ATP13A5: variants seen among roughly 807,000 people sequenced by gnomAD.
ATP13A5 encodes the protein probable cation-transporting ATPase 13A5.
A neutral mutation model predicts 150.2 loss-of-function variants in ATP13A5; 149 were observed. The ratio of observed to expected loss-of-function variants is 0.99; its 90% CI spans 0.87 to 1.14. The LOEUF is 1.14. Among genes scored for constraint, ATP13A5 ranks in the 50% most tolerant of loss-of-function variants. The pLI, the probability that ATP13A5 is intolerant of heterozygous loss-of-function variation, is 0.00. For synonymous variants in ATP13A5, 497 were observed against 522.2 expected, an observed-to-expected ratio of 0.95 and a Z score of 0.66; for missense variants, 1,383 against 1,449.3, an observed-to-expected ratio of 0.95 and a Z score of 0.74.
chr3:193,286,752 A>G (rs1717739448), intron 26 of ATP13A5, among the ~76,000 whole-genome samples: 1 of 152,138 alleles, frequency 6.6e-6, no homozygotes, highest in Admixed American at 6.6e-5. Context: ...TAAGTGTTCA[A>G]GTGAAAGGAA....
chr3:193,285,204 G>T, intron 26 of ATP13A5, 88 bp from the exon 27 acceptor site: 1 of 1,095,850 alleles, frequency 9.1e-7, no homozygotes, highest in South Asian at 1.6e-5. Context: ...CACTACCATG[G>T]GATTTTAGCT....
chr3:193,289,627 A>G (rs1717865440), intron 26 of ATP13A5, among the ~76,000 whole-genome samples: 1 of 152,148 alleles, frequency 6.6e-6, no homozygotes, highest in African/African-American at 2.4e-5. Context: ...TAAAATAAAC[A>G]GAATACCAGG....
At chr3:193,281,960 C>G (rs569874677) in intron 27 of ATP13A5, among the ~76,000 whole-genome samples, 161 of 152,136 alleles carry the variant, frequency 1.1e-3, no homozygotes, top group African/African-American at 3.9e-3. Flanking sequence ...CTTTGGGAGG[C>G]CGAAGCGGGT....
intron 9 of ATP13A5, among the ~76,000 whole-genome samples, chr3:193,338,675 G>C (rs1711992185): frequency 6.6e-6 from 1 of 152,184 alleles, no homozygotes; most frequent in Non-Finnish European, 1.5e-5. Context: ...GTTCATCAGG[G>C]ATATTGGTCT....
chr3:193,366,591 G>A (rs2108582341), intron 1 of ATP13A5, among the ~76,000 whole-genome samples: 1 of 152,042 alleles, frequency 6.6e-6, no homozygotes, highest in Non-Finnish European at 1.5e-5. Context: ...AAAAAACATA[G>A]TTTTAAAAAT....
chr3:193,371,344 C>T (rs1489940), intron 1 of ATP13A5, among the ~76,000 whole-genome samples: 37,885 of 152,140 alleles, frequency 0.25, 5,083 homozygotes, highest in East Asian at 0.55. Context: ...CGTTGCCTTA[C>T]AGGGCTGCAT....
At chr3:193,303,936 G>C (rs756627752) in intron 23 of ATP13A5, among the ~76,000 whole-genome samples, 2 of 151,324 alleles carry the variant, frequency 1.3e-5, no homozygotes, top group African/African-American at 2.4e-5. Flanking sequence ...ATTTTTGCTG[G>C]AATGTAAATT....
chr3:193,342,202 T>C (rs995510176), intron 9 of ATP13A5, among the ~76,000 whole-genome samples: 2 of 152,234 alleles, frequency 1.3e-5, no homozygotes, highest in African/African-American at 4.8e-5. Flanking sequence ...ATATTTTTAT[T>C]CTTACATAAA....
intron 26 of ATP13A5, among the ~76,000 whole-genome samples, chr3:193,289,315 G>T (rs1420496252): frequency 6.6e-6 from 1 of 152,020 alleles, no homozygotes; most frequent in African/African-American, 2.4e-5. Context: ...TCAGAACAAG[G>T]ATACCATCAA....
intron 1 of ATP13A5, among the ~76,000 whole-genome samples, chr3:193,372,784 T>C (rs1039248102): frequency 6.6e-6 from 1 of 152,198 alleles, no homozygotes; most frequent in African/African-American, 2.4e-5. Flanking sequence ...AAACAAAAAC[T>C]CAATAATGAG....
chr3:193,305,566 G>A lies in ATP13A5; in HGVS notation c.2671C>T (p.Leu891Phe), dbSNP rs150829984. ...KTTNIQCVPH[L>F]IREGRAALVS... ...GAGGAAAAAATGACTTACCTGATGAGATGAGGCACACACTGGATGTTGGTT... is the reference window on the plus strand; with the variant it reads ...GAGGAAAAAATGACTTACCTGATGAAATGAGGCACACACTGGATGTTGGTT... Residue 891 changes from leucine to phenylalanine, a missense_variant, in exon 23 of 30, where the codon CTC becomes TTC. Physicochemically the swap from Leu to Phe is conservative, Grantham distance 22. Coordinates refer to ENST00000342358, the MANE Select transcript of ATP13A5 (RefSeq NM_198505.4). 6.2e-6 allele frequency: 10 copies of A among 1,613,290 alleles called. No individual in the cohort carries two copies. In the African/African-American group the frequency reaches 1.3e-4, roughly 22 times the overall value.
chr3:193,275,278 G>A lies in ATP13A5; in HGVS notation c.3421C>T (p.Leu1141Phe). Residue 1141 changes from leucine to phenylalanine, a missense_variant, in exon 30 of 30, where the codon CTC (leucine) becomes TTC (phenylalanine). Physicochemically the swap from Leu to Phe is conservative, Grantham distance 22. Coordinates refer to ENST00000342358, the MANE Select transcript of ATP13A5 (RefSeq NM_198505.4). ...VEDSILQNHELWLLIKREFGF... is the reference protein window; with the variant it reads ...VEDSILQNHEFWLLIKREFGF... ...AATTCTCTTTTGATCAACAGCCAGA[G>A]TTCATGATTTTGAAGGATGGAATCC... 1 of 1,613,658 alleles carries A rather than the reference G, an allele frequency of 6.2e-7. No individual in the cohort carries two copies. The highest frequency in any genetic ancestry group is 8.5e-7 in the Non-Finnish European group (1 of 1,179,992).
intron 27 of ATP13A5, among the ~76,000 whole-genome samples, chr3:193,281,708 T>C (rs1228172337): frequency 6.6e-6 from 1 of 152,190 alleles, no homozygotes; most frequent in Non-Finnish European, 1.5e-5. Context: ...ACTTATAACC[T>C]GAGAGTATAT....
At chr3:193,306,541 T>A (rs959383182) in intron 22 of ATP13A5, among the ~76,000 whole-genome samples, 45 of 152,128 alleles carry the variant, frequency 3.0e-4, no homozygotes, top group Non-Finnish European at 5.6e-4. Flanking sequence ...TTGGAAATAA[T>A]ATTTAAGAGA....
intron 26 of ATP13A5, 64 bp from the exon 27 acceptor site, chr3:193,285,180 A>T: frequency 7.3e-7 from 1 of 1,374,836 alleles, no homozygotes; most frequent in East Asian, 2.3e-5. Context: ...AGGTGAAAAA[A>T]AAAATAATTT....
intron 14 of ATP13A5, chr3:193,323,607 C>A (rs531824105): frequency 6.6e-6 from 1 of 152,238 alleles, no homozygotes; most frequent in South Asian, 2.1e-4. Flanking sequence ...AACTCATCAC[C>A]GTGTTTATCC....
chr3:193,351,275 TC>T, intron 6 of ATP13A5, 74 bp from the exon 7 acceptor site: 1 of 1,542,836 alleles, frequency 6.5e-7, no homozygotes, highest in Non-Finnish European at 8.9e-7. Flanking sequence ...CATTTCATTA[TC>T]AATTTTTTTC....
chr3:193,349,313 T>C (rs1004255358), intron 7 of ATP13A5, among the ~76,000 whole-genome samples: 3 of 152,188 alleles, frequency 2.0e-5, no homozygotes, highest in African/African-American at 4.8e-5. Flanking sequence ...AAAGTTCCCA[T>C]ATTAGCCACT....
intron 1 of ATP13A5, among the ~76,000 whole-genome samples, chr3:193,369,521 C>G (rs1181829406): frequency 6.6e-6 from 1 of 152,136 alleles, no homozygotes; most frequent in African/African-American, 2.4e-5. Context: ...AATGATTATT[C>G]TTCTGATGTA....
Sources: allele counts gnomAD v4.1 joint callset (sites outside exome capture counted in the v4.1 genomes callset), GRCh38; gene constraint gnomAD v4.1.1; transcripts MANE v1.5; gene names NCBI Gene and HGNC (gene_info 2026-07-23, HGNC 2026-07-21).